The following INTS2 variants were observed in gnomAD, a reference collection of about 807,000 sequenced individuals.
INTS2 encodes KIAA1287.
A neutral mutation model predicts 139.6 loss-of-function variants in INTS2; 57 were observed. The observed-to-expected ratio is 0.41, with a 90% CI of 0.33 to 0.51. The LOEUF is 0.51. Among genes scored for constraint, INTS2 ranks in the 20% least tolerant of loss-of-function variants. The probability of loss-of-function intolerance (pLI) is 0.28; values close to 1 mark genes in which losing one functional copy is unlikely to be tolerated. For synonymous variants in INTS2, 473 were observed against 493.4 expected (o/e 0.96, Z 0.55); for missense variants, 1,196 against 1,436.7 (o/e 0.83, Z 2.71).
Position 61,882,524 on chromosome 17 carries a change from T to C in INTS2, c.2090-1353A>G, listed in dbSNP as rs2079186765. ...GAGATGGATCACTTGAGGCCAGGAG[T>C]TGGAGACCAGCCTGGCCAACATGGG... is the stretch of plus-strand genomic sequence containing the variant. On this transcript the variant is annotated intron_variant, in intron 16 of 24. Coordinates refer to ENST00000251334, the MANE Select transcript of INTS2 (RefSeq NM_001351695.2). This position sits in a 1 kb window ranked among gnomAD's most constrained non-coding sequence, Gnocchi z 4.7. 6.6e-6 allele frequency among the ~76,000 whole-genome samples: 1 copy of C among 151,920 alleles called. No homozygotes were observed. The highest frequency in any genetic ancestry group is 6.6e-5 in the Admixed American group (1 of 15,242).
chr17:61,879,100 T>TC (rs2079154498), intron 17 of INTS2, among the ~76,000 whole-genome samples: 1 of 114,778 alleles, frequency 8.7e-6, no homozygotes, highest in Non-Finnish European at 1.7e-5. Context: ...TTTTTTTTTT[T>TC]CCCTCTTGCC....
At chr17:61,888,150 T>C (rs925757794) in intron 15 of INTS2, among the ~76,000 whole-genome samples, 1 of 151,738 alleles carries the variant, frequency 6.6e-6, no homozygotes, top group Non-Finnish European at 1.5e-5. Flanking sequence ...CCAGGAGGAC[T>C]GCTCGAGCCC....
intron 5 of INTS2, among the ~76,000 whole-genome samples, chr17:61,916,127 G>A (rs975724910): frequency 1.3e-5 from 2 of 151,932 alleles, no homozygotes; most frequent in African/African-American, 4.8e-5. Context: ...AAAATAACAT[G>A]GCACTGGTAT....
In INTS2 at chr17:61,876,496, T is replaced by A. The variant is rs2079128413; in HGVS notation, c.2456+1391A>T. On this transcript the variant is annotated intron_variant, in intron 18 of 24. Coordinates refer to ENST00000251334, the MANE Select transcript of INTS2 (RefSeq NM_001351695.2). This position sits in a 1 kb window ranked among gnomAD's most constrained non-coding sequence, Gnocchi z 4.1. ...GTTTTTTTTTGAGACAGGGTTTCAG[T>A]GGCACGATCTCACCTCACTGAAGCC... Among the ~76,000 whole-genome samples, 1 of 151,882 alleles carries A rather than the reference T, an allele frequency of 6.6e-6. No homozygotes were observed.
chr17:61,923,969 T>C (rs908740443), intron 3 of INTS2, among the ~76,000 whole-genome samples: 1 of 152,198 alleles, frequency 6.6e-6, no homozygotes, highest in Non-Finnish European at 1.5e-5. Context: ...GTTATTTATA[T>C]GATAGAACTT....
chr17:61,923,554 A>G (rs1487997793), intron 3 of INTS2, among the ~76,000 whole-genome samples: 1 of 151,808 alleles, frequency 6.6e-6, no homozygotes, highest in East Asian at 1.9e-4. Context: ...ATGAAAACAG[A>G]ATTTAGTCCT....
At chr17:61,924,463 G>A (rs1294095130) in intron 3 of INTS2, among the ~76,000 whole-genome samples, 1 of 152,114 alleles carries the variant, frequency 6.6e-6, no homozygotes, top group Non-Finnish European at 1.5e-5. Flanking sequence ...TTAAGAGAAG[G>A]ACTTTAAGGC....
intron 14 of INTS2, among the ~76,000 whole-genome samples, chr17:61,890,743 T>C (rs2079283005): frequency 6.7e-6 from 1 of 149,740 alleles, no homozygotes. Context: ...AGGGAACCCA[T>C]TAGACTTTAA....
Position 61,900,351 on chromosome 17 carries a change from C to T in INTS2, c.1308-2612G>A, listed in dbSNP as rs1016424408. Among the ~76,000 whole-genome samples, 11 of 152,136 alleles carry T rather than the reference C, an allele frequency of 7.2e-5. 1 individual carries two copies. The highest frequency in any genetic ancestry group is 1.7e-4 in the African/African-American group (7 of 41,440). On this transcript the variant is annotated intron_variant, in intron 9 of 24. Coordinates refer to ENST00000251334, the MANE Select transcript of INTS2 (RefSeq NM_001351695.2). The stretch of plus-strand genomic sequence containing the variant: ...GCATTCTGCACAACTAGAAGAATAC[C>T]CTTCCCTCAGCAGAGAGAAGACTGG...
chr17:61,887,625 A>C (rs895808611), intron 15 of INTS2, among the ~76,000 whole-genome samples: 1 of 152,182 alleles, frequency 6.6e-6, no homozygotes, highest in African/African-American at 2.4e-5. Context: ...TCTTATCAAA[A>C]TCCCAACATA....
At chr17:61,914,702 C>CAAAAAAAA (rs58141533) in intron 5 of INTS2, among the ~76,000 whole-genome samples, 2 of 49,368 alleles carry the variant, frequency 4.1e-5, no homozygotes, top group African/African-American at 6.8e-5. Context: ...GACTCCGTCT[C>CAAAAAAAA]AAAAAAAAAA....
chr17:61,906,398 G>C (rs1050931221), intron 8 of INTS2, among the ~76,000 whole-genome samples: 1 of 152,120 alleles, frequency 6.6e-6, no homozygotes, highest in African/African-American at 2.4e-5. Context: ...TCAAATAACA[G>C]GTGTGCAGTA....
chr17:61,898,739 G>A (rs112280759), intron 9 of INTS2, among the ~76,000 whole-genome samples: 1,541 of 152,150 alleles, frequency 0.01, 27 homozygotes, highest in African/African-American at 0.035. Flanking sequence ...TCAGCCTCCC[G>A]AATAGCTGGG....
intron 5 of INTS2, among the ~76,000 whole-genome samples, chr17:61,915,816 T>TAAAAAAAAAAA (rs1193639396): frequency 1.6e-5 from 1 of 64,190 alleles, no homozygotes; most frequent in African/African-American, 5.9e-5. Context: ...AGACTCTGTC[T>TAAAAAAAAAAA]AAAAAAAAAA....
At chr17:61,924,242 C>T (rs2079684187) in intron 3 of INTS2, among the ~76,000 whole-genome samples, 1 of 152,130 alleles carries the variant, frequency 6.6e-6, no homozygotes, top group African/African-American at 2.4e-5. Flanking sequence ...CAGTTATTCA[C>T]ATTCAGTTAT....
intron 6 of INTS2, 101 bp from the exon 7 acceptor site, chr17:61,911,794 A>G: frequency 2.1e-6 from 3 of 1,434,270 alleles, no homozygotes; most frequent in Non-Finnish European, 2.8e-6. Flanking sequence ...AAGAACTCCT[A>G]CAAAACATAA....
chr17:61,905,303 G>C (rs747791395), intron 8 of INTS2, among the ~76,000 whole-genome samples: 1 of 151,974 alleles, frequency 6.6e-6, no homozygotes, highest in Non-Finnish European at 1.5e-5. Context: ...GAAAATATTA[G>C]AAACATTGGG....
At chr17:61,874,490 G>C (rs956375570) in intron 19 of INTS2, among the ~76,000 whole-genome samples, 1 of 152,192 alleles carries the variant, frequency 6.6e-6, no homozygotes, top group Non-Finnish European at 1.5e-5. Flanking sequence ...TAAGGATTTA[G>C]AGCCAAATGT....
intron 4 of INTS2, among the ~76,000 whole-genome samples, chr17:61,920,614 G>A (rs1161132556): frequency 6.7e-6 from 1 of 150,096 alleles, no homozygotes; most frequent in Admixed American, 6.7e-5. Context: ...GACCAGCCTG[G>A]CCAACATGGT....
Sources: gnomAD v4.1 joint callset for allele counts (sites outside exome capture counted in the v4.1 genomes callset) on GRCh38, gnomAD v4.1.1 for gene constraint, Gnocchi (gnomAD v3.1) non-coding constraint, MANE v1.5 for transcripts, NCBI Gene and HGNC (gene_info 2026-07-23, HGNC 2026-07-21) for gene names.